The following DNA2 variants were observed in gnomAD, a reference collection of about 807,000 sequenced individuals.
The protein encoded by DNA2 is DNA replication helicase/nuclease 2.
A neutral mutation model predicts 119.1 loss-of-function variants in DNA2; 101 were observed. The observed-to-expected ratio is 0.85, with a 90% CI of 0.72 to 1.00. The LOEUF (loss-of-function observed/expected upper bound fraction) is 1.00, where lower values mean the gene tolerates loss of function less well. Among genes scored for constraint, DNA2 ranks in the 50% least tolerant of loss-of-function variants. The pLI is 0.00. For synonymous variants in DNA2, 366 were observed against 424.4 expected, an observed-to-expected ratio of 0.86 and a Z score of 1.69; for missense variants, 1,121 against 1,255.5, an observed-to-expected ratio of 0.89 and a Z score of 1.62.
At chr10:68,460,030 T>TACAAACACACACACACACAC (rs1554909244) in intron 4 of DNA2, among the ~76,000 whole-genome samples, 23 of 145,702 alleles carry the variant, frequency 1.6e-4, no homozygotes, top group African/African-American at 5.6e-4. Context: ...CCATCACAAA[T>TACAAACACACACACACACAC]ACACACACAC....
intron 2 of DNA2, 136 bp downstream of exon 2, chr10:68,469,845 T>C (rs928054837): frequency 3.9e-6 from 3 of 773,160 alleles, no homozygotes; most frequent in South Asian, 4.8e-5. Flanking sequence ...ACAATTTTCA[T>C]GCAGAATTAG....
chr10:68,448,439 G>C (rs1402587273), intron 6 of DNA2, among the ~76,000 whole-genome samples: 1 of 152,124 alleles, frequency 6.6e-6, no homozygotes, highest in Non-Finnish European at 1.5e-5. Flanking sequence ...AAATTAAAAA[G>C]TCAAATCTTT....
chr10:68,444,064 C>T (rs933119894), intron 8 of DNA2, among the ~76,000 whole-genome samples: 1 of 152,182 alleles, frequency 6.6e-6, no homozygotes, highest in African/African-American at 2.4e-5. Flanking sequence ...CAAGACCAGC[C>T]TGGCCAACAT....
chr10:68,419,337 A>C, intron 18 of DNA2, 124 bp from the exon 19 acceptor site: 22 of 722,762 alleles, frequency 3.0e-5, no homozygotes, highest in Admixed American at 3.5e-5. Context: ...TTCCTATCTC[A>C]AAGACTGAAT....
Position 68,450,957 on chromosome 10 carries a change from C to T in DNA2, c.720-710G>A, listed in dbSNP as rs138494807. On this transcript the variant is annotated intron_variant, in intron 5 of 20. Transcript: ENST00000358410. Reference sequence around the variant, plus strand: ...CAATTAAAAAAATACAAGAATTAGCCGGGAAGGGTGGCACATGCCTGTAAT... The same window carrying T: ...CAATTAAAAAAATACAAGAATTAGCTGGGAAGGGTGGCACATGCCTGTAAT... Among the ~76,000 whole-genome samples, 85 of 152,086 alleles carry T rather than the reference C, an allele frequency of 5.6e-4. 1 individual carries two copies. Among genetic ancestry groups the T allele is most frequent in the African/African-American group, 2.0e-3 (82 of 41,480 alleles).
intron 9 of DNA2, among the ~76,000 whole-genome samples, chr10:68,439,379 A>G (rs995349158): frequency 6.6e-6 from 1 of 151,920 alleles, no homozygotes; most frequent in Non-Finnish European, 1.5e-5. Context: ...GGGGAACATG[A>G]GCAAAACTCC....
intron 4 of DNA2, 82 bp downstream of exon 4, chr10:68,465,585 A>G (rs1480047691): frequency 1.0e-6 from 1 of 1,002,868 alleles, no homozygotes; most frequent in East Asian, 2.7e-5. Flanking sequence ...TATATTGGAT[A>G]GTCTACACAA....
chr10:68,459,056 G>A (rs1383108319), intron 5 of DNA2, 48 bp downstream of exon 5: 11 of 1,446,614 alleles, frequency 7.6e-6, no homozygotes, highest in South Asian at 1.5e-5. Context: ...ATGGCATCCT[G>A]GTCTAAAAAT....
chr10:68,464,829 C>CAAAAAAA (rs71009067), intron 4 of DNA2, among the ~76,000 whole-genome samples: 12 of 40,666 alleles, frequency 3.0e-4, no homozygotes, highest in African/African-American at 7.7e-4. Context: ...AACTCCACCT[C>CAAAAAAA]AAAAAAAAAA....
chr10:68,452,241 C>T (rs920524353), intron 5 of DNA2, among the ~76,000 whole-genome samples: 1 of 151,908 alleles, frequency 6.6e-6, no homozygotes, highest in Non-Finnish European at 1.5e-5. Flanking sequence ...CACCACCACA[C>T]CCCACTAATT....
At chr10:68,434,099 A>G (rs2051856318) in intron 10 of DNA2, among the ~76,000 whole-genome samples, 1 of 151,894 alleles carries the variant, frequency 6.6e-6, no homozygotes, top group Admixed American at 6.6e-5. Flanking sequence ...ACATAGTAAA[A>G]CCCTGCGTCT....
intron 8 of DNA2, among the ~76,000 whole-genome samples, chr10:68,443,702 A>G (rs1386571874): frequency 6.6e-6 from 1 of 152,150 alleles, no homozygotes; most frequent in Admixed American, 6.6e-5. Flanking sequence ...TAATTCTAGC[A>G]TTTTGGGAGG....
chr10:68,420,107 G>A (rs2051645373), intron 17 of DNA2, among the ~76,000 whole-genome samples: 1 of 152,116 alleles, frequency 6.6e-6, no homozygotes, highest in African/African-American at 2.4e-5. Flanking sequence ...TATGATTGAG[G>A]CTAAAATACC....
Position 68,465,822 on chromosome 10 carries a change from C to T in DNA2, c.442-10G>A. The T allele has an allele frequency of 6.6e-7, 1 of 1,510,288 alleles. No individual in the cohort carries two copies. The highest frequency in any genetic ancestry group is 8.9e-7 in the Non-Finnish European group (1 of 1,127,482). 93.6% of individuals were successfully genotyped at this position (1,510,288 alleles called of 1,614,324 possible). On this transcript the variant is annotated splice_polypyrimidine_tract_variant and intron_variant, in intron 3 of 20. Transcript: ENST00000358410. ...TGGCTGGATCAGAGCTCTACAAAAG[C>T]AAATCACACAGTTTATTTCACAACA...
intron 5 of DNA2, among the ~76,000 whole-genome samples, chr10:68,455,280 C>G (rs1226330135): frequency 6.6e-6 from 1 of 151,912 alleles, no homozygotes; most frequent in African/African-American, 2.4e-5. Context: ...TTCACAGAGA[C>G]CAGAATGTTA....
intron 6 of DNA2, among the ~76,000 whole-genome samples, chr10:68,447,452 G>A (rs2052055392): frequency 6.7e-6 from 1 of 149,614 alleles, no homozygotes; most frequent in Non-Finnish European, 1.5e-5. Context: ...GGGAGGTGGA[G>A]GTTGCACTGA....
In DNA2 at chr10:68,416,736, C is replaced by G. The variant is rs754444650; in HGVS notation, c.3087G>C (p.Leu1029=). The change falls in exon 20 of 21, where the codon CTG becomes CTC. Residue 1029 remains leucine (L), a synonymous_variant. Coordinates refer to ENST00000358410, the MANE Select transcript of DNA2 (RefSeq NM_001080449.3). Reference sequence around the variant, plus strand: ...ATTTTTCTGAGTTTAAATGATTAAGCAGCTTCTCCAAAGGAGGATAGCAAT... The same window carrying G: ...ATTTTTCTGAGTTTAAATGATTAAGGAGCTTCTCCAAAGGAGGATAGCAAT... ...SLNCYPPLEK[L]LNHLNSEKLI... 1 of 1,613,754 alleles carries G rather than the reference C, an allele frequency of 6.2e-7. No homozygotes were observed. Among genetic ancestry groups the G allele is most frequent in the South Asian group, 1.1e-5 (1 of 91,078 alleles).
At chr10:68,441,267 G>A (rs903451564) in intron 9 of DNA2, among the ~76,000 whole-genome samples, 1 of 148,910 alleles carries the variant, frequency 6.7e-6, no homozygotes, top group Non-Finnish European at 1.5e-5. Context: ...CCAGAAGTTC[G>A]AGGCTACAGT....
chr10:68,415,151 G>T, intron 20 of DNA2, 44 bp from the exon 21 acceptor site: 2 of 1,199,276 alleles, frequency 1.7e-6, no homozygotes, highest in Non-Finnish European at 1.2e-6. Context: ...ATATGGAATG[G>T]CATAAATTTA....
Sources: allele counts gnomAD v4.1 joint callset (sites outside exome capture counted in the v4.1 genomes callset), GRCh38; gene constraint gnomAD v4.1.1; transcripts MANE v1.5; gene names NCBI Gene and HGNC (gene_info 2026-07-23, HGNC 2026-07-21).